GPR155: variants seen among roughly 807,000 people sequenced by gnomAD.
GPR155 encodes G protein-coupled receptor 155.
In GPR155, 65 loss-of-function variants were observed where a neutral mutation model predicts 93.1. The observed-to-expected ratio is 0.70, with a 90% CI of 0.57 to 0.86. The LOEUF (loss-of-function observed/expected upper bound fraction) is 0.86. GPR155 is among the 40% of genes least tolerant of loss of function. The pLI is 0.00. For synonymous variants in GPR155, 319 were observed against 360.1 expected (o/e 0.89, Z 1.29); for missense variants, 838 against 1,034.8 (o/e 0.81, Z 2.61).
intron 11 of GPR155, among the ~76,000 whole-genome samples, chr2:174,447,361 T>C (rs1574701789): frequency 6.8e-6 from 1 of 146,722 alleles, no homozygotes; most frequent in Admixed American, 6.9e-5. Context: ...ATAATTTTTA[T>C]ATAATTAATA....
chr2:174,444,415 C>CAA (rs58572270), intron 13 of GPR155, among the ~76,000 whole-genome samples: 7 of 85,632 alleles, frequency 8.2e-5, no homozygotes, highest in African/African-American at 1.6e-4. Flanking sequence ...AACTCCGTCT[C>CAA]AAAAAAAAAA....
chr2:174,456,038 C>T (rs1001926121), intron 10 of GPR155, among the ~76,000 whole-genome samples: 2 of 152,012 alleles, frequency 1.3e-5, no homozygotes, highest in African/African-American at 4.8e-5. Context: ...GACGGGGTTT[C>T]ACCATGTTGG....
intron 2 of GPR155, among the ~76,000 whole-genome samples, chr2:174,480,889 C>T (rs567110144): frequency 6.6e-6 from 1 of 152,152 alleles, no homozygotes; most frequent in South Asian, 2.1e-4. Flanking sequence ...CCTGCCTCAG[C>T]CTCTTGGGTA....
chr2:174,455,289 A>G (rs1213167320), intron 10 of GPR155, among the ~76,000 whole-genome samples: 1 of 152,260 alleles, frequency 6.6e-6, no homozygotes, highest in Admixed American at 6.5e-5. Context: ...AAGTGATAAC[A>G]TGAGTGCCGA....
chr2:174,470,349 A>G, intron 4 of GPR155, 41 bp downstream of exon 4: 5 of 1,499,702 alleles, frequency 3.3e-6, no homozygotes, highest in Non-Finnish European at 4.5e-6. Context: ...ATTTTTTTCG[A>G]CTAAACACAC....
intron 11 of GPR155, among the ~76,000 whole-genome samples, chr2:174,448,982 C>A (rs1244831487): frequency 6.6e-6 from 1 of 152,158 alleles, no homozygotes; most frequent in Non-Finnish European, 1.5e-5. Context: ...TATTCGCACA[C>A]TATGCATCTA....
rs1227064070 is a variant in GPR155 at position 174,434,108 on chromosome 2, ACAC to A, written c.*2005_*2007del. On this transcript the variant is annotated 3_prime_UTR_variant, in exon 16 of 16. Transcript: ENST00000392552. ...CCTGGGTAGCTGGGATTACAGGTGC[ACAC>A]CACCACACCTGGCTAATTTTTTTTT... The A allele has an allele frequency of 6.7e-6, 1 of 148,858 alleles. No individual in the cohort carries two copies. The highest frequency in any genetic ancestry group is 1.5e-5 in the Non-Finnish European group (1 of 67,470). 9.2% of individuals were successfully genotyped at this position (148,858 alleles called of 1,614,324 possible).
intron 13 of GPR155, among the ~76,000 whole-genome samples, chr2:174,443,685 A>G (rs958492136): frequency 2.6e-5 from 4 of 152,042 alleles, no homozygotes; most frequent in South Asian, 2.1e-4. Context: ...GCTAATGCCA[A>G]TGCACTCCAG....
intron 10 of GPR155, among the ~76,000 whole-genome samples, chr2:174,454,868 AG>A (rs1687465223): frequency 1.3e-5 from 2 of 148,508 alleles, no homozygotes; most frequent in Admixed American, 1.3e-4. Context: ...AGGAAGGGAA[AG>A]GAAGGAAGAG....
chr2:174,462,354 A>G (rs1687724192), intron 7 of GPR155, among the ~76,000 whole-genome samples: 1 of 152,138 alleles, frequency 6.6e-6, no homozygotes, highest in Non-Finnish European at 1.5e-5. Context: ...TCCGTTGCCC[A>G]GGCTGGAGTT....
rs1350776537 is a variant in GPR155, at chr2:174,433,350, C to T, written c.*2766G>A. ...AGAATTCTTATGTTGAAACCTAATC[C>T]TCAATCATGTTTAACATCTGTTTTT... On this transcript the variant is annotated 3_prime_UTR_variant, in exon 16 of 16. Coordinates refer to ENST00000392552, the MANE Select transcript of GPR155 (RefSeq NM_152529.7). 6.6e-6 allele frequency: 1 copy of T among 152,076 alleles called. No individual in the cohort carries two copies. The highest frequency in any genetic ancestry group is 2.1e-4 in the South Asian group (1 of 4,820). The allele number at this position is 152,076 out of a possible 1,614,324, so 9.4% of individuals were successfully genotyped here. A position where few individuals can be genotyped will look rare whatever the true frequency, so the allele number is the denominator to read the frequency against.
rs76717032 is a variant in GPR155 at position 174,439,038 on chromosome 2, C to T, written c.2312+860G>A. Among the ~76,000 whole-genome samples, 3 of 152,290 alleles carry T rather than the reference C, an allele frequency of 2.0e-5. No homozygotes were observed. The East Asian group carries it at 5.8e-4, about 29-fold the overall frequency. ...AACTTGCCCAATGTCACACAGCCAA[C>T]AAGCGGCAGTTCAGGAGCTGAGTTC... On this transcript the variant is annotated intron_variant, in intron 15 of 15. Coordinates refer to ENST00000392552, the MANE Select transcript of GPR155 (RefSeq NM_152529.7).
rs573442588 is a variant in GPR155 at position 174,470,100 on chromosome 2, G to T, written c.1026+290C>A. Among the ~76,000 whole-genome samples the T allele has an allele frequency of 2.4e-3, 358 of 152,184 alleles. 2 individuals carry two copies. The highest frequency in any genetic ancestry group is 8.4e-3 in the African/African-American group (349 of 41,520). ...TGGTCTCAAACTCCTGGCCTCAAGTGGTCTGCCCACCTCAGCCTCCCAAAG... is the reference window on the plus strand; with the variant it reads ...TGGTCTCAAACTCCTGGCCTCAAGTTGTCTGCCCACCTCAGCCTCCCAAAG... On this transcript the variant is annotated intron_variant, in intron 4 of 15. Coordinates refer to ENST00000392552, the MANE Select transcript of GPR155 (RefSeq NM_152529.7).
chr2:174,459,108 G>C (rs1687606153), intron 10 of GPR155, among the ~76,000 whole-genome samples: 1 of 151,618 alleles, frequency 6.6e-6, no homozygotes, highest in African/African-American at 2.4e-5. Context: ...AACAAACAAA[G>C]AAAAAAAACA....
At chr2:174,479,133 G>C (rs1688250184) in intron 2 of GPR155, among the ~76,000 whole-genome samples, 1 of 152,062 alleles carries the variant, frequency 6.6e-6, no homozygotes, top group Middle Eastern at 3.2e-3. Context: ...ATTTGGGCTG[G>C]CACACGGCTA....
chr2:174,446,136 G>T (rs1395252165), intron 12 of GPR155, among the ~76,000 whole-genome samples: 1 of 151,610 alleles, frequency 6.6e-6, no homozygotes, highest in Non-Finnish European at 1.5e-5. Flanking sequence ...ATGAAACCCC[G>T]TCTCTACTAC....
At chr2:174,462,529 G>A (rs963991169) in intron 7 of GPR155, among the ~76,000 whole-genome samples, 1 of 152,178 alleles carries the variant, frequency 6.6e-6, no homozygotes, top group African/African-American at 2.4e-5. Context: ...TGCTGGTCTT[G>A]AACTGCTGGC....
intron 12 of GPR155, 116 bp from the exon 13 acceptor site, chr2:174,445,292 G>A (rs1687087261): frequency 4.9e-6 from 3 of 614,656 alleles, no homozygotes; most frequent in Admixed American, 2.9e-5. Context: ...AAGACTAGAC[G>A]GAAAAACACT....
In GPR155 at chr2:174,435,047, A is replaced by G. The variant is rs1214276450; in HGVS notation, c.*1069T>C. On this transcript the variant is annotated 3_prime_UTR_variant, in exon 16 of 16. Transcript: ENST00000392552. ...CTATCAAAAAATATAAAGTTGTCAT[A>G]ATTTAAGGTCCATCTCCTGCTAGTA... 1.3e-5 allele frequency: 2 copies of G among 152,244 alleles called. No homozygotes were observed. The highest frequency in any genetic ancestry group is 2.9e-5 in the Non-Finnish European group (2 of 68,046). The allele number at this position is 152,244 out of a possible 1,614,324, so 9.4% of individuals were successfully genotyped here.
Sources: gnomAD v4.1 joint callset for allele counts (sites outside exome capture counted in the v4.1 genomes callset) on GRCh38, gnomAD v4.1.1 for gene constraint, MANE v1.5 for transcripts, NCBI Gene and HGNC (gene_info 2026-07-23, HGNC 2026-07-21) for gene names.